The following WDR7 variants were observed in gnomAD, a reference collection of about 807,000 sequenced individuals.
WDR7 encodes WD repeat domain 7, also known as WD repeat-containing protein 7.
WDR7 carries 46 observed loss-of-function variants against 169.4 expected under a neutral mutation model. The ratio of observed to expected loss-of-function variants is 0.27; its 90% confidence interval spans 0.21 to 0.35. The LOEUF (loss-of-function observed/expected upper bound fraction) is 0.35, where lower values mean the gene tolerates loss of function less well. Among genes scored for constraint, WDR7 ranks in the 10% least tolerant of loss-of-function variants. The probability of loss-of-function intolerance (pLI) is 1.00; values close to 1 mark genes in which losing one functional copy is unlikely to be tolerated. For missense variants in WDR7, 1,534 were observed against 1,859.3 expected (o/e 0.83, Z 3.22); for synonymous variants, 612 against 666.8 (o/e 0.92, Z 1.27).
chr18:56,811,760 G>C (rs182352016), intron 19 of WDR7, among the ~76,000 whole-genome samples: 175 of 152,100 alleles, frequency 1.2e-3, no homozygotes, highest in Non-Finnish European at 1.8e-3. Context: ...AATTGGTTTT[G>C]CACCTCTGTC....
chr18:56,962,473 G>T lies in WDR7; in HGVS notation c.4108G>T (p.Val1370Phe). 1 of 1,613,092 alleles carries T rather than the reference G, an allele frequency of 6.2e-7. No individual in the cohort carries two copies. The highest frequency in any genetic ancestry group is 8.5e-7 in the Non-Finnish European group (1 of 1,179,356). ...SYYERNHRIA[V>F]GARHGSVALY... ...TTATGAGCGGAATCACAGAATAGCA[G>T]TTGGAGCTCGCCATGGTTCAGTGGC... The change falls in exon 26 of 28, where the codon GTT becomes TTT. Residue 1370 changes from valine to phenylalanine, a missense_variant. Physicochemically the swap from Val to Phe is conservative, Grantham distance 50. Coordinates refer to ENST00000254442, the MANE Select transcript of WDR7 (RefSeq NM_015285.3).
At chr18:56,676,956 G>A (rs776291187) in intron 2 of WDR7, among the ~76,000 whole-genome samples, 24 of 152,074 alleles carry the variant, frequency 1.6e-4, no homozygotes, top group Admixed American at 4.6e-4. Flanking sequence ...TTATTGTACC[G>A]TCTGTGTCTT....
At chr18:56,948,936 T>C (rs1017840162) in intron 25 of WDR7, among the ~76,000 whole-genome samples, 27 of 152,200 alleles carry the variant, frequency 1.8e-4, no homozygotes, top group Admixed American at 3.3e-4. Context: ...TTTCTCTCTA[T>C]GGCATCTCTT....
chr18:56,681,429 TATAAGTATATAATTTAAA>T (rs763484113), intron 4 of WDR7, 38 bp downstream of exon 4: 3 of 1,248,004 alleles, frequency 2.4e-6, no homozygotes, highest in Non-Finnish European at 3.3e-6. Context: ...TACAAACTAT[TATAAGTATATAATTTAAA>T]ATATTTTTAA....
At chr18:56,899,712 TAAA>T (rs909357814) in intron 21 of WDR7, among the ~76,000 whole-genome samples, 1 of 151,442 alleles carries the variant, frequency 6.6e-6, no homozygotes, top group Admixed American at 6.6e-5. Context: ...TTTATTGTTT[TAAA>T]AAAAAATCAT....
intron 20 of WDR7, among the ~76,000 whole-genome samples, chr18:56,825,465 A>G (rs564030278): frequency 6.6e-6 from 1 of 152,328 alleles, no homozygotes; most frequent in African/African-American, 2.4e-5. Context: ...CACACAATTC[A>G]TGTGATGCCT....
intron 19 of WDR7, among the ~76,000 whole-genome samples, chr18:56,808,760 A>C (rs752716815): frequency 2.0e-5 from 3 of 152,136 alleles, no homozygotes; most frequent in Admixed American, 1.3e-4. Context: ...AATTTTTAGA[A>C]TACTATACCC....
intron 16 of WDR7, among the ~76,000 whole-genome samples, chr18:56,762,037 A>G (rs1228989883): frequency 6.6e-6 from 1 of 152,006 alleles, no homozygotes; most frequent in African/African-American, 2.4e-5. Flanking sequence ...CTTCTTTGCT[A>G]ATGTTTATCA....
At chr18:56,654,947 A>T (rs1244588293) in intron 1 of WDR7, among the ~76,000 whole-genome samples, 1 of 152,162 alleles carries the variant, frequency 6.6e-6, no homozygotes, top group Non-Finnish European at 1.5e-5. Flanking sequence ...ACTGTGTATT[A>T]AGTGCTCATA....
At chr18:56,894,307 C>A (rs2046303040) in intron 21 of WDR7, among the ~76,000 whole-genome samples, 1 of 152,022 alleles carries the variant, frequency 6.6e-6, no homozygotes, top group African/African-American at 2.4e-5. Flanking sequence ...CTGCAAGGGT[C>A]TAAAAGCCAG....
intron 14 of WDR7, among the ~76,000 whole-genome samples, chr18:56,752,447 C>T (rs1342396615): frequency 6.6e-6 from 1 of 152,140 alleles, no homozygotes; most frequent in Non-Finnish European, 1.5e-5. Flanking sequence ...TGCCATCTCT[C>T]TTTATGGCAC....
At chr18:56,781,707 G>A (rs770300801) in intron 19 of WDR7, 51 bp downstream of exon 19, 3 of 1,470,320 alleles carry the variant, frequency 2.0e-6, no homozygotes, top group Non-Finnish European at 2.7e-6. Context: ...ATGTAGAAAA[G>A]GTACCTGTAC....
At chr18:57,002,575 C>T (rs1354085810) in intron 26 of WDR7, among the ~76,000 whole-genome samples, 1 of 152,004 alleles carries the variant, frequency 6.6e-6, no homozygotes, top group African/African-American at 2.4e-5. Context: ...ATTCTATAAG[C>T]GAAAAGAGAC....
intron 26 of WDR7, among the ~76,000 whole-genome samples, chr18:57,008,385 A>C (rs1311775346): frequency 6.6e-6 from 1 of 152,170 alleles, no homozygotes; most frequent in African/African-American, 2.4e-5. Flanking sequence ...TCTATTGACT[A>C]TGAATTAAGT....
chr18:56,796,459 C>T (rs923413196), intron 19 of WDR7, among the ~76,000 whole-genome samples: 2 of 152,154 alleles, frequency 1.3e-5, no homozygotes, highest in African/African-American at 4.8e-5. Context: ...ATTTCAAACT[C>T]GTCATGTTTA....
intron 22 of WDR7, among the ~76,000 whole-genome samples, chr18:56,929,976 T>A (rs547112318): frequency 1.3e-5 from 2 of 152,292 alleles, no homozygotes; most frequent in South Asian, 2.1e-4. Flanking sequence ...CTCTAAGTTG[T>A]GGTCTGTGAT....
At chr18:56,958,819 C>T (rs2047294152) in intron 25 of WDR7, among the ~76,000 whole-genome samples, 1 of 152,034 alleles carries the variant, frequency 6.6e-6, no homozygotes, top group African/African-American at 2.4e-5. Context: ...ATTCATTGGT[C>T]ATAAAAATCC....
At chr18:56,752,764 T>C (rs183809239) in intron 14 of WDR7, among the ~76,000 whole-genome samples, 1 of 152,282 alleles carries the variant, frequency 6.6e-6, no homozygotes, top group African/African-American at 2.4e-5. Context: ...CCACAGGAAG[T>C]AGTGATAGAT....
At chr18:56,895,660 T>C (rs181053335) in intron 21 of WDR7, among the ~76,000 whole-genome samples, 52 of 151,962 alleles carry the variant, frequency 3.4e-4, no homozygotes, top group African/African-American at 1.2e-3. Context: ...TGTATGACTG[T>C]ATCAAAACAT....
Sources: gnomAD v4.1 joint callset for allele counts (sites outside exome capture counted in the v4.1 genomes callset) on GRCh38, gnomAD v4.1.1 for gene constraint, MANE v1.5 for transcripts, NCBI Gene and HGNC (gene_info 2026-07-23, HGNC 2026-07-21) for gene names.